The following EFCAB6 variants were observed in gnomAD, a reference collection of about 807,000 sequenced individuals.
EFCAB6 encodes EF-hand calcium binding domain 6, also known as EF-hand calcium-binding domain-containing protein 6.
EFCAB6 carries 156 observed loss-of-function variants against 169.8 expected under a neutral mutation model. The ratio of observed to expected loss-of-function variants is 0.92; its 90% CI spans 0.81 to 1.05. The LOEUF is 1.05. Among genes scored for constraint, EFCAB6 ranks in the 50% least tolerant of loss-of-function variants. The probability of loss-of-function intolerance (pLI) is 0.00; values close to 1 mark genes in which losing one functional copy is unlikely to be tolerated. For synonymous variants in EFCAB6, 698 were observed against 676.4 expected (o/e 1.03, Z -0.50); for missense variants, 1,800 against 1,829.1 (o/e 0.98, Z 0.29).
At chr22:43,699,397 GC>G (rs1474606314) in intron 10 of EFCAB6, among the ~76,000 whole-genome samples, 1 of 152,000 alleles carries the variant, frequency 6.6e-6, no homozygotes, top group Non-Finnish European at 1.5e-5. Flanking sequence ...TCCCTTTCTT[GC>G]CCCCTCAGGC....
intron 26 of EFCAB6, among the ~76,000 whole-genome samples, chr22:43,574,770 G>A (rs1329280301): frequency 2.0e-5 from 3 of 152,166 alleles, no homozygotes; most frequent in Non-Finnish European, 2.9e-5. Context: ...AAGCCTTTCA[G>A]GTCATTTGTA....
chr22:43,778,419 G>T (rs909662983), intron 3 of EFCAB6, among the ~76,000 whole-genome samples: 3 of 152,218 alleles, frequency 2.0e-5, no homozygotes, highest in African/African-American at 7.2e-5. Flanking sequence ...CAGGGAACAA[G>T]AGCTCAGGTG....
At chr22:43,740,470 C>A (rs1453567787) in intron 6 of EFCAB6, among the ~76,000 whole-genome samples, 2 of 152,182 alleles carry the variant, frequency 1.3e-5, no homozygotes, top group African/African-American at 4.8e-5. Context: ...TCGACTGGCC[C>A]CTGCATTCAG....
intron 8 of EFCAB6, among the ~76,000 whole-genome samples, chr22:43,729,541 T>A (rs151320234): frequency 1.0e-3 from 155 of 152,258 alleles, no homozygotes; most frequent in African/African-American, 3.6e-3. Flanking sequence ...TTATCCAAAT[T>A]TCATGAAAGT....
chr22:43,644,752 C>T (rs1356726415), intron 17 of EFCAB6, among the ~76,000 whole-genome samples: 1 of 152,042 alleles, frequency 6.6e-6, no homozygotes, highest in Non-Finnish European at 1.5e-5. Context: ...TATATTATTC[C>T]CATAAAAACT....
intron 12 of EFCAB6, among the ~76,000 whole-genome samples, chr22:43,679,531 A>G (rs1381106181): frequency 6.6e-6 from 1 of 152,156 alleles, no homozygotes; most frequent in Non-Finnish European, 1.5e-5. Context: ...TCTATAAGTC[A>G]CATTTAATTT....
rs756784222 is a variant in EFCAB6, at chr22:43,608,562, A to G, written c.2601T>C (p.Leu867=). 1.9e-6 allele frequency: 3 copies of G among 1,614,222 alleles called. No individual in the cohort carries two copies. Among genetic ancestry groups the G allele is most frequent in the Non-Finnish European group, 2.5e-6 (3 of 1,180,040 alleles). The change falls in exon 22 of 32, where the codon CTT becomes CTC. Residue 867 remains leucine, a synonymous_variant. Coordinates refer to ENST00000262726, the MANE Select transcript of EFCAB6 (RefSeq NM_022785.4). ...LETDNEGNGI[L]RRRDIKNALY... Reference sequence around the variant, plus strand: ...GTGCGTTCTTTATGTCCCGGCGTCGAAGAATGCCATTGCCCTCATTATCGG... The same window carrying G: ...GTGCGTTCTTTATGTCCCGGCGTCGGAGAATGCCATTGCCCTCATTATCGG...
Position 43,537,244 on chromosome 22 carries a change from C to T in EFCAB6, c.4048+133G>A. 8.6e-7 allele frequency: 1 copy of T among 1,166,648 alleles called. No individual in the cohort carries two copies. Among genetic ancestry groups the T allele is most frequent in the Non-Finnish European group, 1.2e-6 (1 of 820,138 alleles). 72.3% of individuals were successfully genotyped at this position (1,166,648 alleles called of 1,614,324 possible). A position where few individuals can be genotyped will look rare whatever the true frequency, so the allele number is the denominator to read the frequency against. On this transcript the variant is annotated intron_variant, in intron 29 of 31. Transcript: ENST00000262726. The surrounding 1 kb of genome is among the most constrained non-coding windows in gnomAD (Gnocchi z 4.3). ...TGTATAGTAAGCTGCACAGCCCACC[C>T]AGAAGTTCCCACCAGTTTCCTGTTC...
chr22:43,713,888 A>G (rs73174337), intron 9 of EFCAB6, among the ~76,000 whole-genome samples: 1,540 of 152,308 alleles, frequency 0.01, 12 homozygotes, highest in Non-Finnish European at 0.018. Flanking sequence ...CTATGCCAAT[A>G]TATGATGGGG....
intron 17 of EFCAB6, among the ~76,000 whole-genome samples, chr22:43,660,339 T>A (rs1200011266): frequency 6.6e-6 from 1 of 152,042 alleles, no homozygotes; most frequent in African/African-American, 2.4e-5. Flanking sequence ...CCATTCCCCA[T>A]GTGCCTGGTG....
intron 3 of EFCAB6, among the ~76,000 whole-genome samples, chr22:43,781,936 A>G (rs2061836059): frequency 6.6e-6 from 1 of 152,138 alleles, no homozygotes; most frequent in Non-Finnish European, 1.5e-5. Flanking sequence ...GAATTCTGGA[A>G]TCATACTCCC....
At chr22:43,699,673 C>T (rs998990427) in intron 10 of EFCAB6, among the ~76,000 whole-genome samples, 4 of 152,088 alleles carry the variant, frequency 2.6e-5, no homozygotes, top group African/African-American at 9.7e-5. Context: ...CTCGCCTAAC[C>T]CATAGCCCTG....
Position 43,714,739 on chromosome 22 carries a change from A to G in EFCAB6, c.882+2109T>C, listed in dbSNP as rs556751366. ...GTTCAAATATAAAAGCAAAAGGCAC[A>G]TAGTTTCAAATATGAAAAAAACAAA... On this transcript the variant is annotated intron_variant, in intron 9 of 31. Transcript: ENST00000262726. Among the ~76,000 whole-genome samples, 4 of 152,356 alleles carry G rather than the reference A, an allele frequency of 2.6e-5. No homozygotes were observed. In the East Asian group the frequency reaches 7.7e-4, roughly 29 times the overall value.
rs1262299315 is a variant in EFCAB6, at chr22:43,537,939, A to C, written c.3880-394T>G. On this transcript the variant is annotated intron_variant, in intron 28 of 31. Transcript: ENST00000262726. The surrounding 1 kb of genome is among the most constrained non-coding windows in gnomAD (Gnocchi z 4.3). ...CTGGGCACAAGACATCCAATCCGTA[A>C]ACATTCACAGAATATCTGTTATTTA... 6.6e-6 allele frequency among the ~76,000 whole-genome samples: 1 copy of C among 152,210 alleles called. No individual in the cohort carries two copies. The highest frequency in any genetic ancestry group is 1.5e-5 in the Non-Finnish European group (1 of 68,026).
At chr22:43,591,111 GTTT>G (rs67053426) in intron 23 of EFCAB6, among the ~76,000 whole-genome samples, 2 of 131,092 alleles carry the variant, frequency 1.5e-5, no homozygotes, top group African/African-American at 5.5e-5. Context: ...TTTGTTTTTT[GTTT>G]TTTTTTTTTG....
chr22:43,749,799 T>TAAA (rs1277060581), intron 6 of EFCAB6, among the ~76,000 whole-genome samples: 1 of 152,222 alleles, frequency 6.6e-6, no homozygotes, highest in Non-Finnish European at 1.5e-5. Context: ...TTGTGTCCTC[T>TAAA]AAATACAAAC....
chr22:43,774,517 G>A (rs9614182), intron 3 of EFCAB6, among the ~76,000 whole-genome samples: 1 of 151,100 alleles, frequency 6.6e-6, no homozygotes, highest in Non-Finnish European at 1.5e-5. Flanking sequence ...CGCACGCAGG[G>A]CCTGTGCCGG....
intron 29 of EFCAB6, chr22:43,535,439 T>C (rs1035654912): frequency 6.6e-6 from 1 of 152,316 alleles, no homozygotes; most frequent in Non-Finnish European, 1.5e-5. Flanking sequence ...AGATAACAGC[T>C]GTGCAGCCTC....
chr22:43,598,311 G>GAAAA (rs57712759), intron 23 of EFCAB6, among the ~76,000 whole-genome samples: 1 of 112,848 alleles, frequency 8.9e-6, no homozygotes, highest in African/African-American at 3.6e-5. Context: ...CTGTCTCCGG[G>GAAAA]AAAAAAAAAA....
Sources: allele counts gnomAD v4.1 joint callset (sites outside exome capture counted in the v4.1 genomes callset), GRCh38; gene constraint gnomAD v4.1.1; non-coding constraint Gnocchi (gnomAD v3.1); transcripts MANE v1.5; gene names NCBI Gene and HGNC (gene_info 2026-07-23, HGNC 2026-07-21).